CTNNA3: variants seen among roughly 807,000 people sequenced by gnomAD.
CTNNA3 encodes the protein catenin alpha 3.
In CTNNA3, 76 loss-of-function variants were observed where a neutral mutation model predicts 95.7. The observed-to-expected ratio is 0.79, with a 90% confidence interval of 0.66 to 0.96. The LOEUF (loss-of-function observed/expected upper bound fraction) is 0.96. Among genes scored for constraint, CTNNA3 ranks in the 40% least tolerant of loss-of-function variants. The pLI, the probability that CTNNA3 is intolerant of heterozygous loss-of-function variation, is 0.00. For synonymous variants in CTNNA3, 431 were observed against 374.4 expected (o/e 1.15, Z -1.74); for missense variants, 1,191 against 1,089.8 (o/e 1.09, Z -1.31).
intron 15 of CTNNA3, among the ~76,000 whole-genome samples, chr10:65,991,422 T>C (rs766929248): frequency 6.6e-5 from 10 of 152,046 alleles, no homozygotes; most frequent in Non-Finnish European, 1.0e-4. Flanking sequence ...ATTTTTTGTG[T>C]CTTGTTCAAT....
At chr10:66,381,840 T>TATC (rs2092841552) in intron 11 of CTNNA3, among the ~76,000 whole-genome samples, 1 of 152,290 alleles carries the variant, frequency 6.6e-6, no homozygotes, top group East Asian at 1.9e-4. Flanking sequence ...ATATGTATAT[T>TATC]ATCATATTTC....
At chr10:67,348,587 A>G (rs1842522569) in intron 5 of CTNNA3, among the ~76,000 whole-genome samples, 2 of 152,114 alleles carry the variant, frequency 1.3e-5, no homozygotes, top group Non-Finnish European at 2.9e-5. Context: ...GTTTCACATG[A>G]TAAGAGAGAG....
At chr10:66,466,454 T>C (rs979860504) in intron 11 of CTNNA3, among the ~76,000 whole-genome samples, 6 of 151,754 alleles carry the variant, frequency 4.0e-5, no homozygotes, top group Non-Finnish European at 8.8e-5. Context: ...CAGTAAGTCA[T>C]TGAAAATCCA....
intron 5 of CTNNA3, among the ~76,000 whole-genome samples, chr10:67,468,150 T>A (rs1001775206): frequency 4.6e-5 from 7 of 152,104 alleles, no homozygotes; most frequent in African/African-American, 1.4e-4. Flanking sequence ...CTAGTACCCG[T>A]TGGTGTTTTT....
intron 13 of CTNNA3, 88 bp downstream of exon 13, chr10:66,280,382 A>C: frequency 8.5e-7 from 1 of 1,172,664 alleles, no homozygotes; most frequent in Non-Finnish European, 1.2e-6. Flanking sequence ...ATTACAGCAT[A>C]GAAATAAAGC....
At chr10:66,481,558 G>T (rs1056530055) in intron 11 of CTNNA3, among the ~76,000 whole-genome samples, 1 of 114,452 alleles carries the variant, frequency 8.7e-6, no homozygotes, top group Non-Finnish European at 1.6e-5. Flanking sequence ...TGCAAGCTCC[G>T]CCTCCCGGGT....
At chr10:67,042,759 G>A (rs1854482764) in intron 7 of CTNNA3, among the ~76,000 whole-genome samples, 1 of 152,078 alleles carries the variant, frequency 6.6e-6, no homozygotes, top group Admixed American at 6.6e-5. Context: ...GACTGAAAAT[G>A]TTTGCTGGAT....
At chr10:66,744,496 G>T (rs1168260994) in intron 9 of CTNNA3, among the ~76,000 whole-genome samples, 2 of 152,088 alleles carry the variant, frequency 1.3e-5, no homozygotes, top group African/African-American at 2.4e-5. Flanking sequence ...GGACATTGGG[G>T]TTGTCCTGTC....
At chr10:66,947,218 A>G (rs1356744787) in intron 7 of CTNNA3, among the ~76,000 whole-genome samples, 1 of 152,142 alleles carries the variant, frequency 6.6e-6, no homozygotes, top group Admixed American at 6.6e-5. Flanking sequence ...GCCCCAGGAC[A>G]GTGTTGTAAC....
chr10:66,886,400 C>G (rs186917691), intron 7 of CTNNA3, among the ~76,000 whole-genome samples: 54 of 152,258 alleles, frequency 3.5e-4, no homozygotes, highest in African/African-American at 1.2e-3. Context: ...TTCACTCTGT[C>G]TCCAATCCCA....
intron 13 of CTNNA3, among the ~76,000 whole-genome samples, chr10:66,212,134 C>T (rs923980742): frequency 6.6e-6 from 1 of 151,798 alleles, no homozygotes; most frequent in Non-Finnish European, 1.5e-5. Flanking sequence ...GGGTTGTAGG[C>T]ACCCGCCACC....
chr10:66,595,714 G>A (rs1415844624), intron 10 of CTNNA3, among the ~76,000 whole-genome samples: 1 of 152,092 alleles, frequency 6.6e-6, no homozygotes, highest in Non-Finnish European at 1.5e-5. Flanking sequence ...ATGTGTCACT[G>A]CAGCCTCAAA....
chr10:65,926,961 T>C (rs767587499), intron 17 of CTNNA3, among the ~76,000 whole-genome samples: 44 of 152,184 alleles, frequency 2.9e-4, no homozygotes, highest in Non-Finnish European at 5.6e-4. Flanking sequence ...TAATAATCCT[T>C]ATATATTTTT....
chr10:66,166,296 A>T (rs1321378927), intron 13 of CTNNA3, among the ~76,000 whole-genome samples: 1 of 151,702 alleles, frequency 6.6e-6, no homozygotes, highest in Non-Finnish European at 1.5e-5. Context: ...ACATGGTGAA[A>T]CCTGTCTCTA....
chr10:66,303,981 A>T (rs965147548), intron 12 of CTNNA3, among the ~76,000 whole-genome samples: 3 of 152,184 alleles, frequency 2.0e-5, no homozygotes, highest in Non-Finnish European at 4.4e-5. Flanking sequence ...CTTTAACAAT[A>T]ACATCATAAA....
At position 66,573,426 on chromosome 10, in the gene CTNNA3, G is replaced by C. The variant is rs570624309; in HGVS notation, c.1374+48266C>G. Among the ~76,000 whole-genome samples, 13 of 152,254 alleles carry C rather than the reference G, an allele frequency of 8.5e-5. No individual in the cohort carries two copies. The East Asian group carries it at 2.1e-3, about 25-fold the overall frequency. Reference sequence around the variant, plus strand: ...CTGTCTCCTCCCATTAATGAGAAAAGAGATAGCATTTTCTGTTTAAAATTA... The same window carrying C: ...CTGTCTCCTCCCATTAATGAGAAAACAGATAGCATTTTCTGTTTAAAATTA... On this transcript the variant is annotated intron_variant, in intron 10 of 17. Coordinates refer to ENST00000433211, the MANE Select transcript of CTNNA3 (RefSeq NM_013266.4).
chr10:66,788,123 A>G (rs1300320196), intron 7 of CTNNA3, among the ~76,000 whole-genome samples: 1 of 152,180 alleles, frequency 6.6e-6, no homozygotes, highest in Non-Finnish European at 1.5e-5. Flanking sequence ...ATTTCACTTA[A>G]TCAATGATAT....
chr10:67,679,850 C>T (rs988072823), intron 1 of CTNNA3, among the ~76,000 whole-genome samples: 6 of 152,056 alleles, frequency 3.9e-5, no homozygotes, highest in Admixed American at 6.6e-5. Context: ...TTTATATGCA[C>T]GAATTATTGA....
rs148465081 is a variant in CTNNA3 at position 66,450,994 on chromosome 10, A to G, written c.1531+69623T>C. The stretch of plus-strand genomic sequence containing the variant: ...TCTTTCCATATCTCAGTTGCCTCCA[A>G]TATAAATGGAACTTAACAATAGTAG... On this transcript the variant is annotated intron_variant, in intron 11 of 17. Transcript: ENST00000433211. Among the ~76,000 whole-genome samples the G allele has an allele frequency of 3.8e-3, 576 of 152,268 alleles. 2 individuals carry two copies. Among genetic ancestry groups the G allele is most frequent in the South Asian group, 0.015 (71 of 4,830 alleles).
Sources: gnomAD v4.1 joint callset for allele counts (sites outside exome capture counted in the v4.1 genomes callset) on GRCh38, gnomAD v4.1.1 for gene constraint, MANE v1.5 for transcripts, NCBI Gene and HGNC (gene_info 2026-07-23, HGNC 2026-07-21) for gene names.